CD2AP: variants seen among roughly 807,000 people sequenced by gnomAD.
CD2AP encodes CD2-associated protein.
CD2AP carries 46 observed loss-of-function variants against 85.1 expected under a neutral mutation model. That is an observed-to-expected ratio of 0.54 (90% confidence interval 0.43 to 0.69). The LOEUF (loss-of-function observed/expected upper bound fraction) is 0.69. Among genes scored for constraint, CD2AP ranks in the 30% least tolerant of loss-of-function variants. CD2AP has a pLI of 0.00. For synonymous variants in CD2AP, 255 were observed against 252.9 expected (o/e 1.01, Z -0.08); for missense variants, 769 against 729.5 (o/e 1.05, Z -0.62).
chr6:47,497,337 C>CCTTTCCTTTCCT (rs1562003496), intron 1 of CD2AP, among the ~76,000 whole-genome samples: 2 of 101,652 alleles, frequency 2.0e-5, no homozygotes, highest in African/African-American at 7.1e-5. Flanking sequence ...TTTCCTTTCC[C>CCTTTCCTTTCCT]TTCCCTTCCC....
intron 8 of CD2AP, 96 bp from the exon 9 acceptor site, chr6:47,579,289 C>CACA: frequency 1.4e-6 from 1 of 737,694 alleles, no homozygotes; most frequent in Non-Finnish European, 2.4e-6. Flanking sequence ...GAGTCATGAT[C>CACA]GCATCACTGC....
intron 5 of CD2AP, among the ~76,000 whole-genome samples, chr6:47,565,600 C>A (rs557094846): frequency 1.3e-5 from 2 of 152,074 alleles, no homozygotes; most frequent in Admixed American, 1.3e-4. Context: ...TCCATGTAAT[C>A]TTCCCCATCT....
intron 1 of CD2AP, among the ~76,000 whole-genome samples, chr6:47,490,376 C>G (rs1765704582): frequency 6.6e-6 from 1 of 152,064 alleles, no homozygotes; most frequent in South Asian, 2.1e-4. Context: ...TTGGTGAGTT[C>G]TATAAAACTT....
At chr6:47,576,411 C>G (rs1474651772) in intron 6 of CD2AP, 113 bp from the exon 7 acceptor site, 3 of 773,922 alleles carry the variant, frequency 3.9e-6, no homozygotes, top group Admixed American at 3.6e-5. Flanking sequence ...ACATTACTAT[C>G]CTAGCTATAA....
chr6:47,552,798 C>G (rs1767563156), intron 4 of CD2AP, among the ~76,000 whole-genome samples: 1 of 152,100 alleles, frequency 6.6e-6, no homozygotes, highest in Admixed American at 6.6e-5. Flanking sequence ...TTCTTTAAGT[C>G]TGATAAAAAT....
intron 2 of CD2AP, among the ~76,000 whole-genome samples, chr6:47,504,554 CT>C (rs1430302737): frequency 1.3e-5 from 2 of 152,142 alleles, no homozygotes; most frequent in African/African-American, 4.8e-5. Context: ...TCTAGGTTAA[CT>C]TATAATACCT....
chr6:47,511,073 CAAAAAAA>C (rs70999630), intron 2 of CD2AP, among the ~76,000 whole-genome samples: 3 of 51,898 alleles, frequency 5.8e-5, no homozygotes, highest in South Asian at 1.1e-3. Flanking sequence ...CTCTGTGTCT[CAAAAAAA>C]AAAAAAAAAA....
Position 47,520,299 on chromosome 6 carries a change from T to G in CD2AP, c.166-13303T>G, listed in dbSNP as rs186535925. The stretch of plus-strand genomic sequence containing the variant: ...AAATATTTATAACAGTCAATATTGG[T>G]TGAGGACCTTGGATCTAAATATAAG... On this transcript the variant is annotated intron_variant, in intron 2 of 17. Transcript: ENST00000359314. 4.5e-3 allele frequency among the ~76,000 whole-genome samples: 681 copies of G among 152,296 alleles called. 5 individuals carry two copies. The highest frequency in any genetic ancestry group is 0.015 in the African/African-American group (638 of 41,558).
intron 1 of CD2AP, among the ~76,000 whole-genome samples, chr6:47,479,557 A>G (rs1474822836): frequency 6.6e-6 from 1 of 152,240 alleles, no homozygotes; most frequent in African/African-American, 2.4e-5. Context: ...GAATTTTCAA[A>G]TGAATTATTT....
intron 3 of CD2AP, 98 bp downstream of exon 3, chr6:47,533,853 A>G (rs1334684987): frequency 1.6e-6 from 2 of 1,220,650 alleles, no homozygotes; most frequent in Non-Finnish European, 2.3e-6. Context: ...TCTTTTGTAG[A>G]CAACTACAGT....
intron 17 of CD2AP, among the ~76,000 whole-genome samples, chr6:47,615,311 A>G (rs1769546839): frequency 6.6e-6 from 1 of 152,220 alleles, no homozygotes; most frequent in African/African-American, 2.4e-5. Flanking sequence ...TGAAAAAAGT[A>G]GGGTTTGGAA....
chr6:47,494,587 G>A (rs1057173422), intron 1 of CD2AP, among the ~76,000 whole-genome samples: 2 of 152,142 alleles, frequency 1.3e-5, no homozygotes, highest in Admixed American at 1.3e-4. Context: ...GTATTTCGCA[G>A]TGGTTACTTT....
At position 47,566,333 on chromosome 6, in the gene CD2AP, CAT is replaced by C. The variant is rs1252667330; in HGVS notation, c.542-7720_542-7719del. Among the ~76,000 whole-genome samples, 464 of 92,044 alleles carry C rather than the reference CAT, an allele frequency of 5.0e-3. 6 individuals are homozygous for C. Among genetic ancestry groups the C allele is most frequent in the African/African-American group, 0.01 (326 of 31,258 alleles). The allele number at this position is 92,044 out of a possible 152,430, so 60.4% of individuals were successfully genotyped here. On this transcript the variant is annotated intron_variant, in intron 5 of 17. Coordinates refer to ENST00000359314, the MANE Select transcript of CD2AP (RefSeq NM_012120.3). ...ATATATATATATATATACACATACA[CAT>C]ATATATATATGTATGTATGTATTTG...
chr6:47,505,892 C>G (rs765012781), intron 2 of CD2AP, among the ~76,000 whole-genome samples: 12 of 96,496 alleles, frequency 1.2e-4, no homozygotes, highest in Admixed American at 4.6e-4. Flanking sequence ...GCTGGCCGGG[C>G]GGGGGGCTGA....
intron 1 of CD2AP, among the ~76,000 whole-genome samples, chr6:47,482,091 T>C (rs954979157): frequency 2.0e-5 from 3 of 152,234 alleles, no homozygotes; most frequent in African/African-American, 7.2e-5. Context: ...AGATAAGTAG[T>C]TGCAAATGGA....
chr6:47,554,538 A>C, intron 4 of CD2AP, 108 bp from the exon 5 acceptor site: 1 of 1,051,366 alleles, frequency 9.5e-7, no homozygotes, highest in Non-Finnish European at 1.5e-6. Flanking sequence ...GGTTTATTTC[A>C]TAGTGCTAAT....
chr6:47,503,983 T>C (rs1277526295), intron 2 of CD2AP, among the ~76,000 whole-genome samples: 1 of 152,242 alleles, frequency 6.6e-6, no homozygotes, highest in African/African-American at 2.4e-5. Flanking sequence ...GGTCATACTT[T>C]TTGTGTTTCA....
intron 5 of CD2AP, among the ~76,000 whole-genome samples, chr6:47,570,174 A>C (rs557507119): frequency 2.0e-5 from 3 of 151,368 alleles, no homozygotes; most frequent in Non-Finnish European, 4.4e-5. Flanking sequence ...TGCAGTTCAC[A>C]TGTGGTTTCT....
chr6:47,513,815 T>A (rs992205160), intron 2 of CD2AP, among the ~76,000 whole-genome samples: 5 of 151,450 alleles, frequency 3.3e-5, no homozygotes, highest in Non-Finnish European at 7.4e-5. Flanking sequence ...TACTAGATGT[T>A]GTCTGATTTC....
Sources: gnomAD v4.1 joint callset for allele counts (sites outside exome capture counted in the v4.1 genomes callset) on GRCh38, gnomAD v4.1.1 for gene constraint, MANE v1.5 for transcripts, NCBI Gene and HGNC (gene_info 2026-07-23, HGNC 2026-07-21) for gene names.